The following ADAMTSL3 variants were observed in gnomAD, a reference collection of about 807,000 sequenced individuals.
ADAMTSL3 encodes ADAMTS-like protein 3.
In ADAMTSL3, 128 loss-of-function variants were observed where a neutral mutation model predicts 201.7. The observed-to-expected ratio is 0.63, with a 90% confidence interval of 0.55 to 0.73. The LOEUF is 0.73. ADAMTSL3 is among the 30% of genes least tolerant of loss of function. ADAMTSL3 has a pLI of 0.00. For missense variants in ADAMTSL3, 1,990 were observed against 2,119.6 expected, an observed-to-expected ratio of 0.94 and a Z score of 1.20; for synonymous variants, 738 against 748.4, an observed-to-expected ratio of 0.99 and a Z score of 0.23.
At chr15:83,769,208 A>G (rs1301251366) in intron 3 of ADAMTSL3, among the ~76,000 whole-genome samples, 1 of 152,222 alleles carries the variant, frequency 6.6e-6, no homozygotes, top group African/African-American at 2.4e-5. Context: ...CAGTATTGCA[A>G]AAACTCTCAA....
chr15:83,881,111 T>C (rs1350357997), intron 9 of ADAMTSL3, among the ~76,000 whole-genome samples: 1 of 152,246 alleles, frequency 6.6e-6, no homozygotes, highest in Non-Finnish European at 1.5e-5. Context: ...TCTAACACTC[T>C]TCCAACTGGA....
At chr15:83,881,129 A>C (rs1047580377) in intron 9 of ADAMTSL3, among the ~76,000 whole-genome samples, 1 of 152,212 alleles carries the variant, frequency 6.6e-6, no homozygotes, top group African/African-American at 2.4e-5. Context: ...GGATTATTTT[A>C]GCTGTCTTAT....
intron 15 of ADAMTSL3, among the ~76,000 whole-genome samples, chr15:83,902,492 G>A (rs968476561): frequency 2.0e-5 from 3 of 152,038 alleles, no homozygotes; most frequent in East Asian, 3.9e-4. Flanking sequence ...GGATGGTCTC[G>A]ATCTCCTGAG....
At chr15:84,031,079 G>A (rs1174195108) in intron 27 of ADAMTSL3, among the ~76,000 whole-genome samples, 1 of 152,158 alleles carries the variant, frequency 6.6e-6, no homozygotes, top group Admixed American at 6.5e-5. Flanking sequence ...CCAGTCTCGG[G>A]TATGTCTTTA....
intron 19 of ADAMTSL3, among the ~76,000 whole-genome samples, chr15:83,952,966 T>C (rs2066785546): frequency 1.3e-5 from 2 of 152,208 alleles, no homozygotes; most frequent in Non-Finnish European, 2.9e-5. Flanking sequence ...TGGGGTTCCG[T>C]TGGCATGGAA....
chr15:83,869,645 C>T (rs1249121999), intron 8 of ADAMTSL3, among the ~76,000 whole-genome samples: 2 of 152,202 alleles, frequency 1.3e-5, no homozygotes, highest in Non-Finnish European at 2.9e-5. Context: ...CAAAGCCCAG[C>T]AGGCTATGGA....
intron 2 of ADAMTSL3, among the ~76,000 whole-genome samples, chr15:83,683,812 C>A (rs979543): frequency 0.79 from 120,536 of 152,056 alleles, 48,008 homozygotes; most frequent in East Asian, 0.96. Context: ...ATACTTTCAA[C>A]ACCTGAGCTT....
rs1015431522 is a variant in ADAMTSL3, at chr15:83,970,767, G to A, written c.2644+130G>A. ...GGCAACTCAAGCTGTACTCAGTGTT[G>A]TTTTCGGCAGCGATCAGTAGAACGT... On this transcript the variant is annotated intron_variant, in intron 20 of 29. Coordinates refer to ENST00000286744, the MANE Select transcript of ADAMTSL3 (RefSeq NM_207517.3). 7.4e-5 allele frequency: 86 copies of A among 1,167,688 alleles called. No homozygotes were observed. In the African/African-American group the frequency reaches 1.2e-3, roughly 16 times the overall value. The allele number at this position is 1,167,688 out of a possible 1,614,324, so 72.3% of individuals were successfully genotyped here.
intron 2 of ADAMTSL3, among the ~76,000 whole-genome samples, chr15:83,683,433 G>A (rs112739815): frequency 1.8e-4 from 28 of 152,084 alleles, no homozygotes; most frequent in Admixed American, 3.9e-4. Flanking sequence ...ACATCTCCCC[G>A]TTTTTGTATC....
At chr15:84,025,038 A>G (rs1170333406) in intron 26 of ADAMTSL3, among the ~76,000 whole-genome samples, 200 bp from the exon 27 acceptor site, 1 of 152,230 alleles carries the variant, frequency 6.6e-6, no homozygotes, top group Admixed American at 6.5e-5. Context: ...TCATCTCTAC[A>G]TGATGACACT....
chr15:83,942,534 T>C, intron 17 of ADAMTSL3, 62 bp from the exon 18 acceptor site: 1 of 1,512,046 alleles, frequency 6.6e-7, no homozygotes, highest in Non-Finnish European at 9.0e-7. Flanking sequence ...TTGTTCATGC[T>C]CTGATGGTTG....
At chr15:83,988,946 A>C in intron 22 of ADAMTSL3, 128 bp downstream of exon 22, 1 of 486,592 alleles carries the variant, frequency 2.1e-6, no homozygotes, top group Admixed American at 6.0e-5. Context: ...CAGTGGCGTG[A>C]TCTCGGCTCA....
chr15:83,953,029 T>C (rs1297582573), intron 19 of ADAMTSL3, among the ~76,000 whole-genome samples: 1 of 152,174 alleles, frequency 6.6e-6, no homozygotes, highest in Non-Finnish European at 1.5e-5. Flanking sequence ...ACAGGTGAAA[T>C]GTGCTTCTTG....
chr15:83,939,552 T>TGTGTGCCTTCTCTC (rs1415958701), intron 17 of ADAMTSL3, among the ~76,000 whole-genome samples: 1 of 152,078 alleles, frequency 6.6e-6, no homozygotes, highest in Admixed American at 6.6e-5. Flanking sequence ...GATTTTATAA[T>TGTGTGCCTTCTCTC]GTGTGCCTTC....
intron 2 of ADAMTSL3, among the ~76,000 whole-genome samples, chr15:83,695,448 T>A (rs951523353): frequency 1.3e-5 from 2 of 151,780 alleles, no homozygotes; most frequent in South Asian, 2.1e-4. Flanking sequence ...TCATTCTGAG[T>A]AAGGGAAGCA....
intron 19 of ADAMTSL3, among the ~76,000 whole-genome samples, chr15:83,969,741 G>A (rs1406801931): frequency 6.6e-6 from 1 of 152,218 alleles, no homozygotes; most frequent in Non-Finnish European, 1.5e-5. Context: ...GGAAAATGGG[G>A]AGTTGTTAAA....
chr15:83,846,468 G>C (rs74024581), intron 7 of ADAMTSL3, among the ~76,000 whole-genome samples: 1 of 152,192 alleles, frequency 6.6e-6, no homozygotes, highest in Non-Finnish European at 1.5e-5. Flanking sequence ...GGTGCACCGA[G>C]GCTTAGAGTG....
chr15:83,863,225 A>C (rs1463307941), intron 8 of ADAMTSL3, among the ~76,000 whole-genome samples: 5 of 152,226 alleles, frequency 3.3e-5, no homozygotes, highest in Non-Finnish European at 5.9e-5. Context: ...ACAGAAAGTT[A>C]ACAAGGATAT....
chr15:83,850,722 C>T (rs2064595301), intron 7 of ADAMTSL3, among the ~76,000 whole-genome samples: 1 of 152,170 alleles, frequency 6.6e-6, no homozygotes, highest in Admixed American at 6.5e-5. Flanking sequence ...AGTCTCTTTA[C>T]TGCTCATCCA....
Sources: gnomAD v4.1 joint callset for allele counts (sites outside exome capture counted in the v4.1 genomes callset) on GRCh38, gnomAD v4.1.1 for gene constraint, MANE v1.5 for transcripts, NCBI Gene and HGNC (gene_info 2026-07-23, HGNC 2026-07-21) for gene names.